Variants in PDCD1LG2 observed in about 807,000 individuals in gnomAD.
PDCD1LG2 encodes B7 dendritic cell molecule.
Under a neutral mutation model 28.2 loss-of-function variants are expected in PDCD1LG2, and 32 were observed. That is an observed-to-expected ratio of 1.13 (90% CI 0.86 to 1.52). The LOEUF (loss-of-function observed/expected upper bound fraction) is 1.52. Among genes scored for constraint, PDCD1LG2 ranks in the 40% most tolerant of loss-of-function variants. The probability of loss-of-function intolerance (pLI) is 0.00; values close to 1 mark genes in which losing one functional copy is unlikely to be tolerated. For missense variants in PDCD1LG2, 385 were observed against 323.8 expected, an observed-to-expected ratio of 1.19 and a Z score of -1.45; for synonymous variants, 116 against 120.2, an observed-to-expected ratio of 0.97 and a Z score of 0.23.
At chr9:5,520,567 C>G (rs1820254536) in intron 1 of PDCD1LG2, among the ~76,000 whole-genome samples, 4 of 152,120 alleles carry the variant, frequency 2.6e-5, no homozygotes, top group African/African-American at 9.7e-5. Flanking sequence ...AGATGTAAAT[C>G]TTTGTGACCT....
chr9:5,540,957 A>C (rs1265676225), intron 3 of PDCD1LG2, among the ~76,000 whole-genome samples: 1 of 152,214 alleles, frequency 6.6e-6, no homozygotes, highest in East Asian at 1.9e-4. Flanking sequence ...AGATGTAAAA[A>C]TCCTCAACAA....
At chr9:5,563,446 C>G (rs1816606852) in intron 6 of PDCD1LG2, among the ~76,000 whole-genome samples, 1 of 152,196 alleles carries the variant, frequency 6.6e-6, no homozygotes, top group Non-Finnish European at 1.5e-5. Context: ...CACTGGACCT[C>G]TGGTCTCACA....
chr9:5,552,296 C>T (rs1816350674), intron 4 of PDCD1LG2, among the ~76,000 whole-genome samples: 1 of 152,084 alleles, frequency 6.6e-6, no homozygotes, highest in African/African-American at 2.4e-5. Flanking sequence ...GCTCACTGGT[C>T]TGCCAATATT....
intron 1 of PDCD1LG2, among the ~76,000 whole-genome samples, chr9:5,512,355 G>C (rs1301403270): frequency 6.6e-6 from 1 of 152,166 alleles, no homozygotes; most frequent in Non-Finnish European, 1.5e-5. Context: ...AGTCACCTCT[G>C]ATGCCTTCCA....
chr9:5,528,544 A>G (rs1322376167), intron 2 of PDCD1LG2, among the ~76,000 whole-genome samples: 1 of 151,428 alleles, frequency 6.6e-6, no homozygotes, highest in Non-Finnish European at 1.5e-5. Context: ...GACTCAAGCC[A>G]TCTTCTCGCC....
chr9:5,557,790 G>A (rs1318036645), intron 5 of PDCD1LG2, 38 bp downstream of exon 5: 1 of 1,610,872 alleles, frequency 6.2e-7, no homozygotes, highest in Non-Finnish European at 8.5e-7. Context: ...AATGCACTGG[G>A]TGTCTGCAGC....
At chr9:5,563,454 A>C (rs1188865172) in intron 6 of PDCD1LG2, among the ~76,000 whole-genome samples, 1 of 152,250 alleles carries the variant, frequency 6.6e-6, no homozygotes, top group Non-Finnish European at 1.5e-5. Context: ...CTCTGGTCTC[A>C]CATAGTTAGA....
At position 5,569,964 on chromosome 9, in the gene PDCD1LG2, G is replaced by A. The variant is rs1350897209; in HGVS notation, c.*5G>A. 6.2e-7 allele frequency: 1 copy of A among 1,613,876 alleles called. No individual in the cohort carries two copies. The highest frequency in any genetic ancestry group is 8.5e-7 in the Non-Finnish European group (1 of 1,179,906). On this transcript the variant is annotated 3_prime_UTR_variant, in exon 7 of 7. Coordinates refer to ENST00000397747, the MANE Select transcript of PDCD1LG2 (RefSeq NM_025239.4). This position sits in a 1 kb window ranked among gnomAD's most constrained non-coding sequence, Gnocchi z 4.1. Reference sequence around the variant, plus strand: ...GGCTTTTCTCCCCAGATCTGAACCTGTGGTCTTGGGAGCCAGGGTGACCTG... The same window carrying A: ...GGCTTTTCTCCCCAGATCTGAACCTATGGTCTTGGGAGCCAGGGTGACCTG...
chr9:5,531,513 A>G (rs1296630329), intron 2 of PDCD1LG2, among the ~76,000 whole-genome samples: 1 of 152,164 alleles, frequency 6.6e-6, no homozygotes, highest in Non-Finnish European at 1.5e-5. Context: ...CACCTGTCTG[A>G]CAAGTAGCAT....
chr9:5,515,641 C>T (rs971416282), intron 1 of PDCD1LG2, among the ~76,000 whole-genome samples: 7 of 152,082 alleles, frequency 4.6e-5, no homozygotes, highest in Non-Finnish European at 8.8e-5. Context: ...TGAGGAGACA[C>T]AAGCCAGGCA....
At chr9:5,549,088 C>G (rs1816270006) in intron 3 of PDCD1LG2, among the ~76,000 whole-genome samples, 1 of 152,176 alleles carries the variant, frequency 6.6e-6, no homozygotes, top group African/African-American at 2.4e-5. Flanking sequence ...ACTTCTCTAT[C>G]TTCAGTAACC....
chr9:5,559,711 TCTCA>T (rs1197816115), intron 5 of PDCD1LG2, among the ~76,000 whole-genome samples: 3 of 152,208 alleles, frequency 2.0e-5, no homozygotes, highest in African/African-American at 7.2e-5. Flanking sequence ...CTTGGTCTGT[TCTCA>T]CTTTTTGCTA....
intron 5 of PDCD1LG2, 40 bp downstream of exon 5, chr9:5,557,792 G>A (rs1190918402): frequency 1.2e-6 from 2 of 1,608,202 alleles, no homozygotes; most frequent in East Asian, 2.2e-5. Flanking sequence ...TGCACTGGGT[G>A]TCTGCAGCAT....
At chr9:5,516,203 C>G (rs961444156) in intron 1 of PDCD1LG2, among the ~76,000 whole-genome samples, 1 of 152,200 alleles carries the variant, frequency 6.6e-6, no homozygotes, top group African/African-American at 2.4e-5. Flanking sequence ...AGACACCCAC[C>G]ACTACATCCA....
At chr9:5,548,605 TC>T (rs1275852135) in intron 3 of PDCD1LG2, among the ~76,000 whole-genome samples, 1 of 152,218 alleles carries the variant, frequency 6.6e-6, no homozygotes, top group Non-Finnish European at 1.5e-5. Context: ...TACTTAGATC[TC>T]AGCTTTCTTG....
intron 2 of PDCD1LG2, among the ~76,000 whole-genome samples, chr9:5,525,458 A>G (rs980375040): frequency 4.0e-5 from 6 of 151,704 alleles, no homozygotes; most frequent in Non-Finnish European, 7.4e-5. Context: ...GTCTAGAAGA[A>G]CTTCAACTGG....
At chr9:5,565,571 C>G (rs542942561) in intron 6 of PDCD1LG2, among the ~76,000 whole-genome samples, 3 of 152,196 alleles carry the variant, frequency 2.0e-5, no homozygotes, top group African/African-American at 7.2e-5. Flanking sequence ...TACACACAAT[C>G]TATACCACTC....
chr9:5,514,151 G>T (rs548283295), intron 1 of PDCD1LG2, among the ~76,000 whole-genome samples: 40 of 152,320 alleles, frequency 2.6e-4, no homozygotes, highest in African/African-American at 9.4e-4. Context: ...TAGGATTCTT[G>T]AGATACTTCC....
intron 2 of PDCD1LG2, among the ~76,000 whole-genome samples, chr9:5,528,769 T>C (rs747056071): frequency 2.0e-5 from 3 of 152,216 alleles, no homozygotes; most frequent in Non-Finnish European, 2.9e-5. Flanking sequence ...GCAGTCTCCA[T>C]CAGTCGCCCA....
Sources: allele counts gnomAD v4.1 joint callset (sites outside exome capture counted in the v4.1 genomes callset), GRCh38; gene constraint gnomAD v4.1.1; non-coding constraint Gnocchi (gnomAD v3.1); transcripts MANE v1.5; gene names NCBI Gene and HGNC (gene_info 2026-07-23, HGNC 2026-07-21).